The following NECAB2 variants were observed in gnomAD, a reference collection of about 807,000 sequenced individuals.
NECAB2 encodes the protein N-terminal EF-hand calcium-binding protein 2.
In NECAB2, 68 loss-of-function variants were observed where a neutral mutation model predicts 51.9. The observed-to-expected ratio is 1.31, with a 90% CI of 1.08 to 1.60. The LOEUF is 1.60. Among genes scored for constraint, NECAB2 ranks in the 40% most tolerant of loss-of-function variants. The pLI, the probability that NECAB2 is intolerant of heterozygous loss-of-function variation, is 0.00. For synonymous variants in NECAB2, 329 were observed against 203.5 expected, an observed-to-expected ratio of 1.62 and a Z score of -5.25; for missense variants, 854 against 490.3, an observed-to-expected ratio of 1.74 and a Z score of -7.00.
intron 10 of NECAB2, 112 bp downstream of exon 10, chr16:83,998,429 GAC>G (rs1437238699): frequency 1.9e-5 from 18 of 962,628 alleles, no homozygotes; most frequent in African/African-American, 1.8e-4. Flanking sequence ...GCACCCCAGG[GAC>G]ACACACAGCT....
intron 2 of NECAB2, 45 bp downstream of exon 2, chr16:83,972,220 C>T: frequency 1.2e-6 from 2 of 1,612,826 alleles, no homozygotes; most frequent in Non-Finnish European, 1.7e-6. Context: ...TCCTTCTGTC[C>T]TCGTGCTTCA....
upstream of NECAB2, chr16:83,965,432 C>G (rs759145242): frequency 6.3e-7 from 1 of 1,590,692 alleles, no homozygotes; most frequent in African/African-American, 1.3e-5. Flanking sequence ...GGCCTCAGAC[C>G]CTGTCCTCAT....
chr16:83,995,321 C>G (rs1353619916), intron 8 of NECAB2, among the ~76,000 whole-genome samples: 1 of 152,170 alleles, frequency 6.6e-6, no homozygotes, highest in African/African-American at 2.4e-5. Flanking sequence ...GGTTGTGCCA[C>G]TTCATAGCTG....
At chr16:83,978,418 T>G in intron 2 of NECAB2, 26 bp from the exon 3 acceptor site, 1 of 1,598,518 alleles carries the variant, frequency 6.3e-7, no homozygotes, top group Non-Finnish European at 8.6e-7. Context: ...AGACACCAGC[T>G]CCTTTCTCTG....
intron 8 of NECAB2, among the ~76,000 whole-genome samples, chr16:83,995,014 T>G (rs756296132): frequency 2.0e-5 from 3 of 152,096 alleles, no homozygotes; most frequent in Non-Finnish European, 2.9e-5. Context: ...TCAAGGAGAC[T>G]TTGCTCTGAA....
chr16:83,998,859 C>T (rs989991081), intron 10 of NECAB2, among the ~76,000 whole-genome samples: 1 of 152,188 alleles, frequency 6.6e-6, no homozygotes, highest in Non-Finnish European at 1.5e-5. Context: ...CTTCAAATTC[C>T]TGTTCATCCC....
At position 84,002,467 on chromosome 16, in the gene NECAB2, A is replaced by C; in HGVS notation, c.*121A>C. ...TCTTTTCAATCCATCCTCCACAAGA[A>C]GGTGTTTCCCTGTTGTTAAGTGAAG... is the stretch of plus-strand genomic sequence containing the variant. On this transcript the variant is annotated 3_prime_UTR_variant, in exon 13 of 13. Coordinates refer to ENST00000305202, the MANE Select transcript of NECAB2 (RefSeq NM_019065.3). 7.4e-7 allele frequency: 1 copy of C among 1,346,542 alleles called. No homozygotes were observed. Among genetic ancestry groups the C allele is most frequent in the Non-Finnish European group, 1.1e-6 (1 of 949,356 alleles). 83.4% of individuals were successfully genotyped at this position (1,346,542 alleles called of 1,614,324 possible).
rs113841537 is a variant in NECAB2 at position 83,972,678 on chromosome 16, G to A, written c.226+503G>A. Among the ~76,000 whole-genome samples the A allele has an allele frequency of 4.6e-3, 697 of 152,304 alleles. 6 individuals carry two copies. Among genetic ancestry groups the A allele is most frequent in the African/African-American group, 0.015 (642 of 41,544 alleles). On this transcript the variant is annotated intron_variant, in intron 2 of 12. Coordinates refer to ENST00000305202, the MANE Select transcript of NECAB2 (RefSeq NM_019065.3). ...CAATTTGCCCCAGGGTTGCCCAGCTGCATGAAGGAAACGGAGGCTCTCCTG... is the reference window on the plus strand; with the variant it reads ...CAATTTGCCCCAGGGTTGCCCAGCTACATGAAGGAAACGGAGGCTCTCCTG...
At position 83,998,211 on chromosome 16, in the gene NECAB2, CAGCTGGTCCGGCAGGAGATGG is replaced by C; in HGVS notation, c.857_877del (p.Gln286_Ala293delinsPro). ...CTCCTGCTGTGCCCGGCAGCACCTG[CAGCTGGTCCGGCAGGAGATGG>C]CCGTGTGCCCCGAGCAACTGAGCGA... On this transcript the variant is annotated inframe_deletion, in exon 10 of 13. Coordinates refer to ENST00000305202, the MANE Select transcript of NECAB2 (RefSeq NM_019065.3). The C allele has an allele frequency of 6.2e-7, 1 of 1,609,566 alleles. No homozygotes were observed. Among genetic ancestry groups the C allele is most frequent in the African/African-American group, 1.3e-5 (1 of 75,062 alleles).
chr16:83,966,977 T>G (rs1023464661), upstream of NECAB2, among the ~76,000 whole-genome samples: 2 of 152,148 alleles, frequency 1.3e-5, no homozygotes, highest in Non-Finnish European at 2.9e-5. Flanking sequence ...GTTGAAATGA[T>G]TCTCCTGTCT....
At chr16:83,999,042 C>T (rs1289072431) in intron 10 of NECAB2, among the ~76,000 whole-genome samples, 1 of 152,148 alleles carries the variant, frequency 6.6e-6, no homozygotes, top group African/African-American at 2.4e-5. Flanking sequence ...ATCCCCAGAG[C>T]ACACACTCAT....
intron 11 of NECAB2, among the ~76,000 whole-genome samples, chr16:84,001,383 ACG>A (rs995122291): frequency 6.6e-4 from 100 of 152,198 alleles, no homozygotes; most frequent in African/African-American, 2.2e-3. Flanking sequence ...GTAAACACTC[ACG>A]GTTTGCTGAC....
At chr16:84,001,303 G>A (rs1373256011) in intron 11 of NECAB2, among the ~76,000 whole-genome samples, 1 of 151,824 alleles carries the variant, frequency 6.6e-6, no homozygotes, top group African/African-American at 2.4e-5. Context: ...GACTATTGCT[G>A]ATGCGCCAGA....
chr16:83,965,822 G>C (rs1428363151), upstream of NECAB2: 2 of 1,612,748 alleles, frequency 1.2e-6, no homozygotes, highest in Non-Finnish European at 1.7e-6. Flanking sequence ...AGTGGATCCT[G>C]ACCAGCCGCT....
In NECAB2 at chr16:83,991,024, C is replaced by T. The variant is rs181154177; in HGVS notation, c.596+394C>T. ...TTTTAGACAAAAAGTGTCGCTCTGT[C>T]GCCCAGGAGTGCAGTGGCGTGATTT... On this transcript the variant is annotated intron_variant, in intron 6 of 12. Coordinates refer to ENST00000305202, the MANE Select transcript of NECAB2 (RefSeq NM_019065.3). 2.4e-3 allele frequency among the ~76,000 whole-genome samples: 361 copies of T among 152,292 alleles called. 2 individuals carry two copies. Among genetic ancestry groups the T allele is most frequent in the Non-Finnish European group, 4.1e-3 (280 of 68,028 alleles).
At chr16:83,965,344 C>A, upstream of NECAB2, 2 of 1,572,402 alleles carry the variant, frequency 1.3e-6, no homozygotes, top group South Asian at 1.2e-5. Context: ...GGCTGGGCAT[C>A]CCCGGGGAGG....
chr16:83,979,728 C>T (rs1430160949), intron 3 of NECAB2, among the ~76,000 whole-genome samples: 3 of 146,076 alleles, frequency 2.1e-5, no homozygotes, highest in Non-Finnish European at 4.5e-5. Flanking sequence ...GTTTGAGAGT[C>T]GAACTGTGAG....
In NECAB2 at chr16:83,991,787, C is replaced by T. The variant is rs142077763; in HGVS notation, c.596+1157C>T. 1.6e-3 allele frequency among the ~76,000 whole-genome samples: 237 copies of T among 150,734 alleles called. 2 individuals are homozygous for T. Among genetic ancestry groups the T allele is most frequent in the African/African-American group, 5.6e-3 (230 of 40,868 alleles). ...TCAGCCTCCCAAGGAGCTGGGACTA[C>T]AGGCATGTAGTCCCACCCACACCCA... is the stretch of plus-strand genomic sequence containing the variant. On this transcript the variant is annotated intron_variant, in intron 6 of 12. Coordinates refer to ENST00000305202, the MANE Select transcript of NECAB2 (RefSeq NM_019065.3).
chr16:83,966,859 C>T (rs372009283), upstream of NECAB2, among the ~76,000 whole-genome samples: 40 of 152,338 alleles, frequency 2.6e-4, 1 homozygote, highest in East Asian at 5.2e-3. Flanking sequence ...AAGGTGCTAC[C>T]TTTTCATAGC....
Sources: allele counts gnomAD v4.1 joint callset (sites outside exome capture counted in the v4.1 genomes callset), GRCh38; gene constraint gnomAD v4.1.1; transcripts MANE v1.5; gene names NCBI Gene and HGNC (gene_info 2026-07-23, HGNC 2026-07-21).